FREM2: variants seen among roughly 807,000 people sequenced by gnomAD.
The protein encoded by FREM2 is FRAS1-related extracellular matrix protein 2.
Under a neutral mutation model 219.9 loss-of-function variants are expected in FREM2, and 119 were observed. The ratio of observed to expected loss-of-function variants is 0.54; its 90% CI spans 0.47 to 0.63. FREM2 has a LOEUF of 0.63. Ranked by LOEUF, FREM2 falls within the 30% of genes least tolerant of loss-of-function variation. The probability of loss-of-function intolerance (pLI) is 0.00; values close to 1 mark genes in which losing one functional copy is unlikely to be tolerated. For synonymous variants in FREM2, 1,562 were observed against 1,522.8 expected, an observed-to-expected ratio of 1.03 and a Z score of -0.60; for missense variants, 4,030 against 3,993.6, an observed-to-expected ratio of 1.01 and a Z score of -0.25.
intron 2 of FREM2, among the ~76,000 whole-genome samples, chr13:38,712,823 A>G (rs1870835560): frequency 6.6e-6 from 1 of 152,198 alleles, no homozygotes; most frequent in Admixed American, 6.6e-5. Context: ...ATAGTATTAA[A>G]AAAGCTGAAA....
intron 4 of FREM2, among the ~76,000 whole-genome samples, chr13:38,772,270 G>C (rs1227191392): frequency 6.6e-6 from 1 of 152,154 alleles, no homozygotes; most frequent in East Asian, 1.9e-4. Flanking sequence ...TAATAGCATA[G>C]AATCTCTGCT....
chr13:38,823,376 C>T (rs1315145524), intron 6 of FREM2, among the ~76,000 whole-genome samples: 1 of 151,792 alleles, frequency 6.6e-6, no homozygotes, highest in Admixed American at 6.6e-5. Context: ...TCATCATGTT[C>T]CCCCCTTTTT....
chr13:38,815,187 G>C (rs1376836310), intron 6 of FREM2, among the ~76,000 whole-genome samples: 1 of 152,114 alleles, frequency 6.6e-6, no homozygotes, highest in Non-Finnish European at 1.5e-5. Flanking sequence ...CCACAATCTT[G>C]CTCTACTTCC....
In FREM2 at chr13:38,773,747, G is replaced by A. The variant is rs147017693; in HGVS notation, c.5641+3939G>A. On this transcript the variant is annotated intron_variant, in intron 4 of 23. Transcript: ENST00000280481. ...CAGCCTCTTCTTGCTTTTAACATGC[G>A]CATAGAAAGTTCCAACTGGGAAGGG... Among the ~76,000 whole-genome samples the A allele has an allele frequency of 4.2e-3, 635 of 151,998 alleles. 6 individuals are homozygous for A. The highest frequency in any genetic ancestry group is 0.014 in the African/African-American group (593 of 41,458).
chr13:38,697,308 A>C (rs995179325), intron 1 of FREM2, among the ~76,000 whole-genome samples: 1 of 152,196 alleles, frequency 6.6e-6, no homozygotes, highest in African/African-American at 2.4e-5. Context: ...CCCTACTGGG[A>C]GGCAAAGGAT....
chr13:38,751,885 TGTGTG>T (rs1872787038), intron 2 of FREM2, among the ~76,000 whole-genome samples: 2 of 150,720 alleles, frequency 1.3e-5, no homozygotes, highest in Admixed American at 6.6e-5. Context: ...TGTGTGTGTG[TGTGTG>T]TGTGTGTTTT....
At chr13:38,825,393 T>C (rs969438136) in intron 6 of FREM2, among the ~76,000 whole-genome samples, 5 of 151,828 alleles carry the variant, frequency 3.3e-5, no homozygotes, top group Admixed American at 2.0e-4. Flanking sequence ...GTTTTTATAA[T>C]ATACAAAAAA....
At chr13:38,877,381 C>A in intron 21 of FREM2, 138 bp downstream of exon 21, 1 of 967,950 alleles carries the variant, frequency 1.0e-6, no homozygotes, top group Non-Finnish European at 1.7e-6. Flanking sequence ...TTTACCCACT[C>A]TGGCTGGTGT....
intron 16 of FREM2, 155 bp downstream of exon 16, chr13:38,864,761 G>A: frequency 1.4e-6 from 1 of 701,222 alleles, no homozygotes; most frequent in Non-Finnish European, 2.5e-6. Context: ...TGGATGGTGT[G>A]AAAATCCGTG....
intron 2 of FREM2, among the ~76,000 whole-genome samples, chr13:38,749,988 T>C (rs1461127132): frequency 6.6e-6 from 1 of 152,188 alleles, no homozygotes. Context: ...TTTGTCACAC[T>C]GATCCTCATT....
At chr13:38,865,522 G>A (rs1877931972) in intron 16 of FREM2, among the ~76,000 whole-genome samples, 1 of 152,154 alleles carries the variant, frequency 6.6e-6, no homozygotes, top group Non-Finnish European at 1.5e-5. Context: ...CTAAAGTTAG[G>A]CTGCCCTTTT....
chr13:38,799,036 C>T (rs1255009762), intron 6 of FREM2, among the ~76,000 whole-genome samples: 1 of 151,692 alleles, frequency 6.6e-6, no homozygotes, highest in Admixed American at 6.6e-5. Flanking sequence ...TTGGTTTGTT[C>T]TTGCTTTTTG....
intron 6 of FREM2, among the ~76,000 whole-genome samples, chr13:38,813,644 G>A (rs2137867829): frequency 7.1e-6 from 1 of 141,792 alleles, no homozygotes; most frequent in South Asian, 2.3e-4. Context: ...CTTGACCTTT[G>A]AGAGTTTGAT....
At position 38,689,435 on chromosome 13, in the gene FREM2, T is replaced by C. The variant is rs374361143; in HGVS notation, c.2091T>C (p.Asp697=). 1 of 1,613,892 alleles carries C rather than the reference T, an allele frequency of 6.2e-7. No individual in the cohort carries two copies. The highest frequency in any genetic ancestry group is 8.5e-7 in the Non-Finnish European group (1 of 1,179,990). The change falls in exon 1 of 24, where the codon GAT becomes GAC. Residue 697 remains aspartate, a synonymous_variant. Coordinates refer to ENST00000280481, the MANE Select transcript of FREM2 (RefSeq NM_207361.6). The part of the protein sequence containing the change: ...QRFVIRIHPV[D]RLPPELGSGC... ...TTGTGATTCGTATCCATCCTGTGGA[T>C]CGCCTCCCTCCGGAGCTGGGCAGTG...
rs1869619461 is a variant in FREM2 at position 38,688,561 on chromosome 13, G to A, written c.1217G>A (p.Arg406His). ...CCTTCTGAAGACTCTGACCAGGAGC[G>A]CCTCTTTGAACTGGAATTGGAGGTA... is the stretch of plus-strand genomic sequence containing the variant. ...QPPSEDSDQE[R>H]LFELELEVVD... The change falls in exon 1 of 24, where the codon CGC becomes CAC. Residue 406 changes from arginine to histidine, a missense_variant. Coordinates refer to ENST00000280481, the MANE Select transcript of FREM2 (RefSeq NM_207361.6). 3.7e-6 allele frequency: 6 copies of A among 1,613,508 alleles called. No homozygotes were observed. Among genetic ancestry groups the A allele is most frequent in the Admixed American group, 1.7e-5 (1 of 59,992 alleles).
chr13:38,863,368 T>A (rs1877833763), intron 15 of FREM2, among the ~76,000 whole-genome samples: 1 of 152,178 alleles, frequency 6.6e-6, no homozygotes, highest in South Asian at 2.1e-4. Context: ...ACATTTATGA[T>A]CCAGGACATC....
intron 15 of FREM2, among the ~76,000 whole-genome samples, chr13:38,861,873 A>G (rs1417586736): frequency 6.6e-6 from 1 of 152,254 alleles, no homozygotes; most frequent in East Asian, 1.9e-4. Flanking sequence ...TTGAAGTTAC[A>G]GTAAAGTATT....
rs1878609940 is a variant in FREM2, at chr13:38,883,239, T to C, written c.*2452T>C. 2 of 152,196 alleles carry C rather than the reference T, an allele frequency of 1.3e-5. No homozygotes were observed. The highest frequency in any genetic ancestry group is 1.3e-4 in the Admixed American group (2 of 15,282). 9.4% of individuals were successfully genotyped at this position (152,196 alleles called of 1,614,324 possible). On this transcript the variant is annotated 3_prime_UTR_variant, in exon 24 of 24. Transcript: ENST00000280481. ...TGCATTATTTTTCTTAATATCTATTTACTAAGTATGTAATTTAATATACAT... is the reference window on the plus strand; with the variant it reads ...TGCATTATTTTTCTTAATATCTATTCACTAAGTATGTAATTTAATATACAT...
intron 6 of FREM2, among the ~76,000 whole-genome samples, chr13:38,798,569 G>C (rs555881542): frequency 6.6e-6 from 1 of 152,122 alleles, no homozygotes; most frequent in South Asian, 2.1e-4. Flanking sequence ...ACATTTGGTA[G>C]AATTCTGCAG....
Sources: allele counts gnomAD v4.1 joint callset (sites outside exome capture counted in the v4.1 genomes callset), GRCh38; gene constraint gnomAD v4.1.1; transcripts MANE v1.5; gene names NCBI Gene and HGNC (gene_info 2026-07-23, HGNC 2026-07-21).